The following SPATA6 variants were observed in gnomAD, a reference collection of about 807,000 sequenced individuals.
SPATA6 encodes spermatogenesis associated 6.
A neutral mutation model predicts 65.3 loss-of-function variants in SPATA6; 56 were observed. That is an observed-to-expected ratio of 0.86 (90% CI 0.69 to 1.07). The LOEUF is 1.07. SPATA6 is among the 50% of genes least tolerant of loss of function. The pLI, the probability that SPATA6 is intolerant of heterozygous loss-of-function variation, is 0.00. For missense variants in SPATA6, 590 were observed against 594.8 expected, an observed-to-expected ratio of 0.99 and a Z score of 0.08; for synonymous variants, 199 against 213.2, an observed-to-expected ratio of 0.93 and a Z score of 0.58.
At chr1:48,378,895 A>G (rs79555074) in intron 9 of SPATA6, among the ~76,000 whole-genome samples, 1,864 of 152,324 alleles carry the variant, frequency 0.012, 46 homozygotes, top group African/African-American at 0.043. Flanking sequence ...CACACATACA[A>G]TGGTATACTA....
At chr1:48,389,490 T>G (rs1260876205) in intron 8 of SPATA6, among the ~76,000 whole-genome samples, 6 of 152,100 alleles carry the variant, frequency 3.9e-5, no homozygotes, top group African/African-American at 1.4e-4. Flanking sequence ...ATAGCCAAAA[T>G]GTCTAAAGTC....
At chr1:48,435,647 G>A (rs1024165105) in intron 3 of SPATA6, among the ~76,000 whole-genome samples, 1 of 152,068 alleles carries the variant, frequency 6.6e-6, no homozygotes, top group Non-Finnish European at 1.5e-5. Flanking sequence ...TCAGCACTCT[G>A]GGTCTAGCTA....
At chr1:48,413,674 A>G (rs973858271) in intron 3 of SPATA6, among the ~76,000 whole-genome samples, 8 of 151,680 alleles carry the variant, frequency 5.3e-5, no homozygotes, top group Non-Finnish European at 1.2e-4. Context: ...AGATACATTG[A>G]CTCTTGAACA....
the SPATA6 span, among the ~76,000 whole-genome samples, chr1:48,270,157 C>G: frequency 6.6e-6 from 1 of 152,052 alleles, no homozygotes; most frequent in Non-Finnish European, 1.5e-5. Context: ...GAAGTGCATC[C>G]TAAGTCTTTA....
intron 11 of SPATA6, among the ~76,000 whole-genome samples, chr1:48,354,011 A>C (rs1482462577): frequency 6.6e-6 from 1 of 152,112 alleles, no homozygotes. Flanking sequence ...AGAATCTACA[A>C]AGAAATCTTA....
chr1:48,285,958 G>A, the SPATA6 span, among the ~76,000 whole-genome samples: 7 of 152,160 alleles, frequency 4.6e-5, no homozygotes, highest in South Asian at 4.2e-4. Context: ...TCTTGACACC[G>A]TTGTTGAATA....
At position 48,417,556 on chromosome 1, in the gene SPATA6, C is replaced by A. The variant is rs191999986; in HGVS notation, c.239-4405G>T. Among the ~76,000 whole-genome samples, 122 of 152,220 alleles carry A rather than the reference C, an allele frequency of 8.0e-4. 1 individual carries two copies. Among genetic ancestry groups the A allele is most frequent in the African/African-American group, 2.9e-3 (119 of 41,518 alleles). Reference sequence around the variant, plus strand: ...GGAGGCCGGATGAGGTGGCTCATACCTGTAATCCCAGCACTTTGGGAGGCT... The same window carrying A: ...GGAGGCCGGATGAGGTGGCTCATACATGTAATCCCAGCACTTTGGGAGGCT... On this transcript the variant is annotated intron_variant, in intron 3 of 12. Coordinates refer to ENST00000371847, the MANE Select transcript of SPATA6 (RefSeq NM_019073.4).
At chr1:48,408,560 A>G (rs771435616) in intron 5 of SPATA6, among the ~76,000 whole-genome samples, 1 of 152,216 alleles carries the variant, frequency 6.6e-6, no homozygotes, top group Non-Finnish European at 1.5e-5. Context: ...ACAGGTAAAC[A>G]TTCTTAAGAA....
At chr1:48,444,806 CT>C (rs1655859893) in intron 3 of SPATA6, among the ~76,000 whole-genome samples, 1 of 152,152 alleles carries the variant, frequency 6.6e-6, no homozygotes, top group Non-Finnish European at 1.5e-5. Flanking sequence ...CAGCTTCATT[CT>C]TGAAGTCAGC....
intron 3 of SPATA6, among the ~76,000 whole-genome samples, chr1:48,431,090 A>C (rs1654357599): frequency 6.6e-6 from 1 of 152,174 alleles, no homozygotes; most frequent in African/African-American, 2.4e-5. Flanking sequence ...TATTCCATGC[A>C]AAAAGTAACT....
intron 9 of SPATA6, among the ~76,000 whole-genome samples, chr1:48,366,102 A>T (rs1334954853): frequency 6.6e-6 from 1 of 152,048 alleles, no homozygotes; most frequent in Non-Finnish European, 1.5e-5. Flanking sequence ...ACATTTATTG[A>T]TTTGCGTATG....
At chr1:48,313,632 T>A (rs1436177652) in intron 11 of SPATA6, among the ~76,000 whole-genome samples, 1 of 152,064 alleles carries the variant, frequency 6.6e-6, no homozygotes, top group East Asian at 1.9e-4. Flanking sequence ...AGAAACTGCA[T>A]CAACTAATGA....
chr1:48,283,838 C>G, the SPATA6 span, among the ~76,000 whole-genome samples: 1 of 151,966 alleles, frequency 6.6e-6, no homozygotes, highest in Non-Finnish European at 1.5e-5. Context: ...GTAACCCGAC[C>G]TTTCTCTCTG....
intron 5 of SPATA6, among the ~76,000 whole-genome samples, chr1:48,404,396 A>G (rs887936522): frequency 6.6e-6 from 1 of 152,136 alleles, no homozygotes; most frequent in African/African-American, 2.4e-5. Context: ...TCTCTGGAGT[A>G]TAGTGGTGCC....
chr1:48,436,144 C>A, intron 3 of SPATA6: 1 of 1,610,076 alleles, frequency 6.2e-7, no homozygotes, highest in South Asian at 1.1e-5. Context: ...TCACTACGAG[C>A]TCCAAGTAGA....
chr1:48,415,310 A>T (rs1004742106), intron 3 of SPATA6, among the ~76,000 whole-genome samples: 7 of 152,206 alleles, frequency 4.6e-5, no homozygotes, highest in African/African-American at 1.7e-4. Flanking sequence ...CCTTTGTGCA[A>T]GGCTTAGATT....
At chr1:48,418,506 G>A (rs1291525694) in intron 3 of SPATA6, among the ~76,000 whole-genome samples, 5 of 122,240 alleles carry the variant, frequency 4.1e-5, no homozygotes, top group Admixed American at 1.0e-4. Context: ...CCCGGAGTTC[G>A]AGACCAGCCT....
Position 48,295,824 on chromosome 1 carries a change from C to G in SPATA6, c.*2889G>C, listed in dbSNP as rs1324807191. 6.6e-6 allele frequency: 1 copy of G among 152,082 alleles called. No homozygotes were observed. The highest frequency in any genetic ancestry group is 1.5e-5 in the Non-Finnish European group (1 of 67,980). The allele number at this position is 152,082 out of a possible 1,614,324, so 9.4% of individuals were successfully genotyped here. Reference sequence around the variant, plus strand: ...GGCTTAATCTTTGGAAATCAGAAAACAACTCTGCCTGCCTAGGACTTCCTG... The same window carrying G: ...GGCTTAATCTTTGGAAATCAGAAAAGAACTCTGCCTGCCTAGGACTTCCTG... On this transcript the variant is annotated 3_prime_UTR_variant, in exon 13 of 13. Coordinates refer to ENST00000371847, the MANE Select transcript of SPATA6 (RefSeq NM_019073.4).
intron 12 of SPATA6, 137 bp from the exon 13 acceptor site, chr1:48,299,030 G>A: frequency 3.8e-6 from 3 of 788,300 alleles, no homozygotes; most frequent in Non-Finnish European, 5.6e-6. Context: ...AACAGAGTAA[G>A]GCCTGTGCTT....
Sources: gnomAD v4.1 joint callset for allele counts (sites outside exome capture counted in the v4.1 genomes callset) on GRCh38, gnomAD v4.1.1 for gene constraint, MANE v1.5 for transcripts, NCBI Gene and HGNC (gene_info 2026-07-23, HGNC 2026-07-21) for gene names.